The following APCDD1L variants were observed in gnomAD, a reference collection of about 807,000 sequenced individuals.
APCDD1L encodes APC down-regulated 1 like.
In APCDD1L, 21 loss-of-function variants were observed where a neutral mutation model predicts 24.2. That is an observed-to-expected ratio of 0.87 (90% confidence interval 0.61 to 1.25). The LOEUF is 1.25. APCDD1L is among the 50% of genes most tolerant of loss of function. The pLI is 0.00. For missense variants in APCDD1L, 704 were observed against 711.7 expected (o/e 0.99, Z 0.12); for synonymous variants, 321 against 323.6 (o/e 0.99, Z 0.09).
In APCDD1L at chr20:58,504,810, C is replaced by T. The variant is rs140148753; in HGVS notation, c.49+9849G>A. ...ATCCATTCCCAGGAACATCGATCTG[C>T]CTAAGAGCATCTGGACTACCCAGGA... On this transcript the variant is annotated intron_variant, in intron 1 of 3. Transcript: ENST00000371149. 2.6e-3 allele frequency among the ~76,000 whole-genome samples: 395 copies of T among 152,248 alleles called. 4 individuals are homozygous for T. The highest frequency in any genetic ancestry group is 8.8e-3 in the African/African-American group (364 of 41,552).
In APCDD1L at chr20:58,461,147, C is replaced by T. The variant is rs763603223; in HGVS notation, c.1149G>A (p.Gly383=). 3 of 1,612,950 alleles carry T rather than the reference C, an allele frequency of 1.9e-6. No homozygotes were observed. The South Asian group carries it at 3.3e-5, about 18-fold the overall frequency. Residue 383 remains glycine, a synonymous_variant, in exon 4 of 4, where the codon GGG becomes GGA. Coordinates refer to ENST00000371149, the MANE Select transcript of APCDD1L (RefSeq NM_153360.3). This position sits in a 1 kb window ranked among gnomAD's most constrained non-coding sequence, Gnocchi z 6.0. ...FSEPSSCGGA[G]AWSMGTERDV... is the part of the protein sequence containing the mutation. Reference sequence around the variant, plus strand: ...CCCGCTCAGTGCCCATGGACCAGGCCCCCGCACCCCCACAGCTGCTTGGCT... The same window carrying T: ...CCCGCTCAGTGCCCATGGACCAGGCTCCCGCACCCCCACAGCTGCTTGGCT...
intron 1 of APCDD1L, among the ~76,000 whole-genome samples, chr20:58,485,316 G>C (rs112529150): frequency 5.3e-5 from 8 of 152,268 alleles, no homozygotes; most frequent in African/African-American, 1.4e-4. Context: ...CAAAAATACT[G>C]TTTCAATTTA....
intron 1 of APCDD1L, among the ~76,000 whole-genome samples, chr20:58,513,390 CA>C (rs1449697424): frequency 6.6e-6 from 1 of 152,144 alleles, no homozygotes; most frequent in Non-Finnish European, 1.5e-5. Context: ...CCCAGACTGG[CA>C]GGGGAAGCGG....
rs1301588534 is a variant in APCDD1L, at chr20:58,497,191, G to T, written c.49+17468C>A. Among the ~76,000 whole-genome samples, 1 of 151,458 alleles carries T rather than the reference G, an allele frequency of 6.6e-6. No homozygotes were observed. The highest frequency in any genetic ancestry group is 2.0e-4 in the East Asian group (1 of 5,094). On this transcript the variant is annotated intron_variant, in intron 1 of 3. Transcript: ENST00000371149. This position sits in a 1 kb window ranked among gnomAD's most constrained non-coding sequence, Gnocchi z 4.3. ...GGGAGTATGGGAGCTGGTGAAAGGGGCCTCCTGGGGGTGAGGGGGCATGCA... is the reference window on the plus strand; with the variant it reads ...GGGAGTATGGGAGCTGGTGAAAGGGTCCTCCTGGGGGTGAGGGGGCATGCA...
At chr20:58,507,919 A>G (rs1359791435) in intron 1 of APCDD1L, among the ~76,000 whole-genome samples, 1 of 152,248 alleles carries the variant, frequency 6.6e-6, no homozygotes, top group African/African-American at 2.4e-5. Context: ...TCATAATTAT[A>G]GGAATCCAAA....
chr20:58,464,384 G>T (rs1027390910), intron 3 of APCDD1L, among the ~76,000 whole-genome samples: 4 of 152,206 alleles, frequency 2.6e-5, no homozygotes, highest in Non-Finnish European at 5.9e-5. Context: ...ATGAGAAAAA[G>T]CATTTCCTTC....
chr20:58,466,775 G>A (rs953365158), intron 3 of APCDD1L, among the ~76,000 whole-genome samples: 2 of 152,220 alleles, frequency 1.3e-5, no homozygotes, highest in African/African-American at 4.8e-5. Context: ...AACTAAGGGA[G>A]GGGGACACCC....
chr20:58,489,665 C>A (rs771705447), intron 1 of APCDD1L, among the ~76,000 whole-genome samples: 2 of 146,416 alleles, frequency 1.4e-5, no homozygotes, highest in South Asian at 2.2e-4. Flanking sequence ...GCCTGGGCAA[C>A]AAGAGCGAAA....
chr20:58,485,336 G>A (rs988640946), intron 1 of APCDD1L, among the ~76,000 whole-genome samples: 5 of 152,120 alleles, frequency 3.3e-5, no homozygotes, highest in Non-Finnish European at 4.4e-5. Flanking sequence ...ATCTTCCATC[G>A]GTGATGTACA....
chr20:58,484,156 G>A (rs904266010), intron 1 of APCDD1L, among the ~76,000 whole-genome samples: 8 of 152,222 alleles, frequency 5.3e-5, no homozygotes, highest in Non-Finnish European at 8.8e-5. Flanking sequence ...GGAGATGTGT[G>A]AGATAGATTG....
In APCDD1L at chr20:58,467,686, G is replaced by C; in HGVS notation, c.189-28C>G. On this transcript the variant is annotated intron_variant, in intron 2 of 3. Transcript: ENST00000371149. The surrounding 1 kb of genome is among the most constrained non-coding windows in gnomAD (Gnocchi z 5.9). ...GCAGGGGTGGAAGGAGATGGGCTGG[G>C]TGCAGAGGGAACACCGCGCCGCGAG... The C allele has an allele frequency of 6.9e-7, 1 of 1,455,584 alleles. No individual in the cohort carries two copies. The highest frequency in any genetic ancestry group is 9.1e-7 in the Non-Finnish European group (1 of 1,102,790). 90.2% of individuals were successfully genotyped at this position (1,455,584 alleles called of 1,614,324 possible).
rs1383261759 is a variant in APCDD1L, at chr20:58,508,445, C to G, written c.49+6214G>C. Among the ~76,000 whole-genome samples the G allele has an allele frequency of 6.6e-6, 1 of 152,200 alleles. No individual in the cohort carries two copies. Among genetic ancestry groups the G allele is most frequent in the Non-Finnish European group, 1.5e-5 (1 of 68,038 alleles). ...ATCAAGAGAGACTCCAGCTGATGTG[C>G]TTTACATCTTGACAGCATACAAGGC... On this transcript the variant is annotated intron_variant, in intron 1 of 3. Coordinates refer to ENST00000371149, the MANE Select transcript of APCDD1L (RefSeq NM_153360.3). This position sits in a 1 kb window ranked among gnomAD's most constrained non-coding sequence, Gnocchi z 4.0.
chr20:58,507,778 G>A (rs1367702015), intron 1 of APCDD1L, among the ~76,000 whole-genome samples: 1 of 152,156 alleles, frequency 6.6e-6, no homozygotes, highest in Admixed American at 6.5e-5. Flanking sequence ...TGAATATAAA[G>A]AGCACTTACA....
At chr20:58,464,089 A>G (rs1989666401) in intron 3 of APCDD1L, among the ~76,000 whole-genome samples, 1 of 152,108 alleles carries the variant, frequency 6.6e-6, no homozygotes, top group Non-Finnish European at 1.5e-5. Flanking sequence ...AGCAAGCTTG[A>G]TAGTTAGCCG....
intron 1 of APCDD1L, among the ~76,000 whole-genome samples, chr20:58,512,570 T>C (rs1990648094): frequency 6.6e-6 from 1 of 152,098 alleles, no homozygotes; most frequent in Non-Finnish European, 1.5e-5. Flanking sequence ...CTAACGTGTG[T>C]GTACTCAATC....
At chr20:58,507,967 A>T (rs1448546695) in intron 1 of APCDD1L, among the ~76,000 whole-genome samples, 2 of 152,270 alleles carry the variant, frequency 1.3e-5, no homozygotes, top group African/African-American at 4.8e-5. Context: ...ATGATTTTTA[A>T]GAAGTAATAA....
chr20:58,470,159 T>A (rs1010735342), intron 2 of APCDD1L, among the ~76,000 whole-genome samples: 2 of 152,182 alleles, frequency 1.3e-5, no homozygotes, highest in Admixed American at 6.5e-5. Context: ...CTGATTCCTC[T>A]CCTTTTAGCT....
At chr20:58,493,106 T>G (rs1348733316) in intron 1 of APCDD1L, among the ~76,000 whole-genome samples, 1 of 151,404 alleles carries the variant, frequency 6.6e-6, no homozygotes, top group African/African-American at 2.4e-5. Context: ...TCACACACAA[T>G]GCAAGCATGC....
chr20:58,488,782 G>A (rs1216632890), intron 1 of APCDD1L, among the ~76,000 whole-genome samples: 1 of 151,992 alleles, frequency 6.6e-6, no homozygotes, highest in Admixed American at 6.5e-5. Flanking sequence ...GAAAGCCTAA[G>A]AATTAAAGAT....
Sources: gnomAD v4.1 joint callset for allele counts (sites outside exome capture counted in the v4.1 genomes callset) on GRCh38, gnomAD v4.1.1 for gene constraint, Gnocchi (gnomAD v3.1) non-coding constraint, MANE v1.5 for transcripts, NCBI Gene and HGNC (gene_info 2026-07-23, HGNC 2026-07-21) for gene names.